RRP1B: variants seen among roughly 807,000 people sequenced by gnomAD.
RRP1B encodes ribosomal RNA processing protein 1 homolog B.
A neutral mutation model predicts 80.2 loss-of-function variants in RRP1B; 56 were observed. That is an observed-to-expected ratio of 0.70 (90% CI 0.56 to 0.87). The LOEUF is 0.87. RRP1B is among the 40% of genes least tolerant of loss of function. The pLI, the probability that RRP1B is intolerant of heterozygous loss-of-function variation, is 0.00. For synonymous variants in RRP1B, 351 were observed against 357.6 expected (o/e 0.98, Z 0.21); for missense variants, 807 against 939.8 (o/e 0.86, Z 1.85).
chr21:43,688,419 G>A (rs2083073258), intron 13 of RRP1B, among the ~76,000 whole-genome samples, 179 bp downstream of exon 13: 1 of 152,376 alleles, frequency 6.6e-6, no homozygotes, highest in African/African-American at 2.4e-5. Flanking sequence ...CAGGTGACCA[G>A]TACTTCGGTC....
rs781484055 is a variant in RRP1B, at chr21:43,687,547, C to T, written c.1173C>T (p.Asp391=). 5.3e-6 allele frequency: 8 copies of T among 1,497,506 alleles called. No individual in the cohort carries two copies. The South Asian group carries it at 1.1e-4, about 21-fold the overall frequency. The allele number at this position is 1,497,506 out of a possible 1,614,324, so 92.8% of individuals were successfully genotyped here. ...GAGTCTTTTGTGTAGAGGAAGAGGA[C>T]AGTGAAAGCAGTCTTCAAAAGAGAA... ...GSRVFCVEEE[D]SESSLQKRRR... The change falls in exon 13 of 16, where the codon GAC becomes GAT. Residue 391 remains aspartate (D), a synonymous_variant. Transcript: ENST00000340648.
intron 1 of RRP1B, among the ~76,000 whole-genome samples, chr21:43,661,340 C>G (rs978925902): frequency 2.0e-5 from 3 of 152,214 alleles, no homozygotes; most frequent in African/African-American, 7.2e-5. Context: ...AAAAAAAGTT[C>G]TGTTTTCTTT....
intron 1 of RRP1B, among the ~76,000 whole-genome samples, chr21:43,662,044 G>A (rs563030963): frequency 1.3e-5 from 2 of 152,302 alleles, no homozygotes; most frequent in South Asian, 2.1e-4. Context: ...TCCTTCTCCC[G>A]AAACACCGTA....
rs558177823 is a variant in RRP1B, at chr21:43,678,328, T to A, written c.796+1414T>A. Among the ~76,000 whole-genome samples the A allele has an allele frequency of 5.3e-5, 8 of 152,210 alleles. No individual in the cohort carries two copies. The South Asian group carries it at 1.7e-3, about 32-fold the overall frequency. ...ACACCTGCCACCAGGCCCAGCTAAT[T>A]TTTTGCATTTTAGTAGAGATGGGGT... On this transcript the variant is annotated intron_variant, in intron 8 of 15. Coordinates refer to ENST00000340648, the MANE Select transcript of RRP1B (RefSeq NM_015056.3).
chr21:43,670,373 A>G (rs971430676), intron 2 of RRP1B, among the ~76,000 whole-genome samples: 5 of 152,230 alleles, frequency 3.3e-5, no homozygotes, highest in Admixed American at 6.5e-5. Context: ...TTCCATGGAG[A>G]GCAGCAGTAG....
chr21:43,684,741 TC>T, intron 10 of RRP1B, 91 bp downstream of exon 10: 2 of 1,045,200 alleles, frequency 1.9e-6, no homozygotes, highest in South Asian at 2.7e-5. Flanking sequence ...TTATCTTTTT[TC>T]TTTCTTCTTT....
chr21:43,676,301 C>T lies in RRP1B; in HGVS notation c.579C>T (p.Ile193=), dbSNP rs1323995398. The T allele has an allele frequency of 5.0e-6, 8 of 1,612,738 alleles. No individual in the cohort carries two copies. Among genetic ancestry groups the T allele is most frequent in the East Asian group, 4.5e-5 (2 of 44,866 alleles). The change falls in exon 7 of 16, where the codon ATC becomes ATT. Residue 193 remains isoleucine (I), a synonymous_variant. Coordinates refer to ENST00000340648, the MANE Select transcript of RRP1B (RefSeq NM_015056.3). ...TAGCAGATCAGAATCTCAAGTTTAT[C>T]GATCCATTCTGCAAAATTGCTGCGA... ...ELLADQNLKF[I]DPFCKIAAKT... is the part of the protein sequence containing the mutation.
chr21:43,665,354 C>T (rs111455719), intron 1 of RRP1B, among the ~76,000 whole-genome samples: 5 of 152,164 alleles, frequency 3.3e-5, no homozygotes, highest in Non-Finnish European at 4.4e-5. Context: ...TGGAAAGATA[C>T]ACATCAGACA....
chr21:43,689,102 G>C (rs1296031676), intron 13 of RRP1B, among the ~76,000 whole-genome samples: 1 of 152,230 alleles, frequency 6.6e-6, no homozygotes, highest in Non-Finnish European at 1.5e-5. Flanking sequence ...CCACCTCTGG[G>C]CGCCCTGGGC....
At chr21:43,689,181 G>A (rs1003323632) in intron 13 of RRP1B, among the ~76,000 whole-genome samples, 14 of 152,384 alleles carry the variant, frequency 9.2e-5, no homozygotes, top group Admixed American at 7.8e-4. Flanking sequence ...GTGCAGGTCT[G>A]TGGCCACTTT....
chr21:43,684,607 A>G lies in RRP1B; in HGVS notation c.946A>G (p.Thr316Ala), dbSNP rs1454457391. The change falls in exon 10 of 16, where the codon ACG (threonine) becomes GCG (alanine). Residue 316 changes from threonine to alanine, a missense_variant. Transcript: ENST00000340648. ...CCTGGAAATGACCAGCAGGAAGAAC[A>G]CGCCCCACTTCAACAGGAAGCGCCT... Reference protein sequence around the residue: ...RLLEMTSRKNTPHFNRKRLSK... With the variant: ...RLLEMTSRKNAPHFNRKRLSK... 3.7e-6 allele frequency: 6 copies of G among 1,614,178 alleles called. No homozygotes were observed. The highest frequency in any genetic ancestry group is 4.2e-6 in the Non-Finnish European group (5 of 1,180,016).
chr21:43,671,132 G>A (rs945674713), intron 2 of RRP1B, among the ~76,000 whole-genome samples: 6 of 152,104 alleles, frequency 3.9e-5, no homozygotes, highest in Non-Finnish European at 8.8e-5. Flanking sequence ...AAGAGAGGGC[G>A]TCTCCCCAGA....
chr21:43,661,988 CTG>C (rs1308229756), intron 1 of RRP1B, among the ~76,000 whole-genome samples: 3 of 152,232 alleles, frequency 2.0e-5, no homozygotes, highest in Non-Finnish European at 2.9e-5. Context: ...CATTGTGTCT[CTG>C]TTGTAGCACT....
chr21:43,691,943 G>A lies in RRP1B; in HGVS notation c.2083+441G>A, dbSNP rs60133523. Among the ~76,000 whole-genome samples the A allele has an allele frequency of 0.026, 3,967 of 151,836 alleles. 196 individuals are homozygous for A. Among genetic ancestry groups the A allele is most frequent in the African/African-American group, 0.088 (3,646 of 41,378 alleles). Reference sequence around the variant, plus strand: ...ATTACAAGCGTGAGCCACCGAGCCCGGCCCCTCACTGCCCATTTCTGAGTC... The same window carrying A: ...ATTACAAGCGTGAGCCACCGAGCCCAGCCCCTCACTGCCCATTTCTGAGTC... On this transcript the variant is annotated intron_variant, in intron 15 of 15. Coordinates refer to ENST00000340648, the MANE Select transcript of RRP1B (RefSeq NM_015056.3). The surrounding 1 kb of genome is among the most constrained non-coding windows in gnomAD (Gnocchi z 4.2).
At position 43,659,900 on chromosome 21, in the gene RRP1B, G is replaced by A. The variant is rs2082942419; in HGVS notation, c.130+106G>A. On this transcript the variant is annotated intron_variant, in intron 1 of 15. Coordinates refer to ENST00000340648, the MANE Select transcript of RRP1B (RefSeq NM_015056.3). The surrounding 1 kb of genome is among the most constrained non-coding windows in gnomAD (Gnocchi z 4.2). ...GAATGCGGCTTCCACGTGTTGTCGT[G>A]ACACCCAGCGTGTGCTTCGGTTTCC... The A allele has an allele frequency of 8.1e-7, 1 of 1,239,104 alleles. No individual in the cohort carries two copies. The highest frequency in any genetic ancestry group is 2.9e-4 in the Middle Eastern group (1 of 3,420). The allele number at this position is 1,239,104 out of a possible 1,614,324, so 76.8% of individuals were successfully genotyped here. A position where few individuals can be genotyped will look rare whatever the true frequency, so the allele number is the denominator to read the frequency against.
chr21:43,681,533 A>G (rs1480066742), intron 8 of RRP1B, among the ~76,000 whole-genome samples: 7 of 152,184 alleles, frequency 4.6e-5, no homozygotes, highest in Admixed American at 3.3e-4. Context: ...ATTTGTATCT[A>G]TCTTTTGGTC....
At chr21:43,660,616 G>C (rs1308096586) in intron 1 of RRP1B, among the ~76,000 whole-genome samples, 1 of 152,180 alleles carries the variant, frequency 6.6e-6, no homozygotes, top group Admixed American at 6.5e-5. Context: ...AGCAAAAAGG[G>C]AAGGAGGTTG....
chr21:43,679,819 A>G (rs2083036355), intron 8 of RRP1B, among the ~76,000 whole-genome samples: 2 of 152,136 alleles, frequency 1.3e-5, no homozygotes, highest in African/African-American at 4.8e-5. Flanking sequence ...GACTTCTTTC[A>G]GCAGTGTTTT....
chr21:43,677,752 T>C (rs1432617797), intron 8 of RRP1B, among the ~76,000 whole-genome samples: 1 of 152,252 alleles, frequency 6.6e-6, no homozygotes, highest in Non-Finnish European at 1.5e-5. Flanking sequence ...AGTGAGAACA[T>C]AAAATGTTTG....
Sources: gnomAD v4.1 joint callset for allele counts (sites outside exome capture counted in the v4.1 genomes callset) on GRCh38, gnomAD v4.1.1 for gene constraint, Gnocchi (gnomAD v3.1) non-coding constraint, MANE v1.5 for transcripts, NCBI Gene and HGNC (gene_info 2026-07-23, HGNC 2026-07-21) for gene names.